The following SSBP2 variants were observed in gnomAD, a reference collection of about 807,000 sequenced individuals.
SSBP2 encodes single stranded DNA binding protein 2.
A neutral mutation model predicts 61.8 loss-of-function variants in SSBP2; 17 were observed. The ratio of observed to expected loss-of-function variants is 0.28; its 90% CI spans 0.19 to 0.41. The LOEUF is 0.41. Ranked by LOEUF, SSBP2 falls within the 10% of genes least tolerant of loss-of-function variation. The pLI is 1.00. For missense variants in SSBP2, 310 were observed against 458.7 expected (o/e 0.68, Z 2.96); for synonymous variants, 139 against 141.3 (o/e 0.98, Z 0.12).
At chr5:81,611,853 A>G (rs1357118287) in intron 4 of SSBP2, among the ~76,000 whole-genome samples, 8 of 151,850 alleles carry the variant, frequency 5.3e-5, no homozygotes, top group Admixed American at 5.2e-4. Flanking sequence ...TTCTTCATGG[A>G]TTTCAGAAAT....
chr5:81,612,651 A>G (rs959852031), intron 4 of SSBP2, among the ~76,000 whole-genome samples: 1 of 152,106 alleles, frequency 6.6e-6, no homozygotes, highest in Admixed American at 6.5e-5. Flanking sequence ...ATAAAATAAT[A>G]AGACTAATTT....
At chr5:81,712,659 T>A (rs1754870695) in intron 1 of SSBP2, among the ~76,000 whole-genome samples, 1 of 151,732 alleles carries the variant, frequency 6.6e-6, no homozygotes, top group Non-Finnish European at 1.5e-5. Context: ...GGATGGTAGG[T>A]TGAACTTACA....
chr5:81,714,212 C>T (rs901486681), intron 1 of SSBP2, among the ~76,000 whole-genome samples: 2 of 152,184 alleles, frequency 1.3e-5, no homozygotes, highest in Non-Finnish European at 2.9e-5. Context: ...CCAGCTTCAT[C>T]CATGTCCCTG....
chr5:81,430,915 G>A (rs781216492), intron 15 of SSBP2, among the ~76,000 whole-genome samples: 1 of 152,160 alleles, frequency 6.6e-6, no homozygotes, highest in Non-Finnish European at 1.5e-5. Context: ...TTTAACTAGA[G>A]TAATCTCTGC....
At chr5:81,598,457 G>A (rs1744014501) in intron 4 of SSBP2, among the ~76,000 whole-genome samples, 2 of 152,214 alleles carry the variant, frequency 1.3e-5, no homozygotes, top group South Asian at 4.1e-4. Context: ...CACCCTGTCT[G>A]AATATCTGGA....
intron 1 of SSBP2, among the ~76,000 whole-genome samples, chr5:81,667,023 TA>T (rs1396557251): frequency 1.3e-5 from 2 of 152,072 alleles, no homozygotes; most frequent in Admixed American, 1.3e-4. Context: ...TGTAAACAAC[TA>T]AAAACTGGAT....
intron 15 of SSBP2, among the ~76,000 whole-genome samples, chr5:81,437,162 T>C (rs1226186971): frequency 1.3e-5 from 2 of 151,284 alleles, no homozygotes; most frequent in Non-Finnish European, 2.9e-5. Flanking sequence ...GTGATTAAAT[T>C]TGTTATTACT....
At chr5:81,484,838 G>A (rs1766264295) in intron 6 of SSBP2, among the ~76,000 whole-genome samples, 1 of 152,096 alleles carries the variant, frequency 6.6e-6, no homozygotes, top group African/African-American at 2.4e-5. Flanking sequence ...TAGTGTGTTT[G>A]TAGAATACCA....
intron 4 of SSBP2, among the ~76,000 whole-genome samples, chr5:81,603,069 T>G (rs1196105586): frequency 6.6e-6 from 1 of 152,226 alleles, no homozygotes; most frequent in Non-Finnish European, 1.5e-5. Context: ...TACCTATTGC[T>G]GTGTAACAGA....
intron 5 of SSBP2, among the ~76,000 whole-genome samples, chr5:81,497,604 A>G (rs1175012225): frequency 6.6e-6 from 1 of 152,196 alleles, no homozygotes; most frequent in Non-Finnish European, 1.5e-5. Context: ...AAGTATGTCT[A>G]GAGGAAGAAA....
chr5:81,646,368 T>C (rs1469812986), intron 2 of SSBP2, among the ~76,000 whole-genome samples: 2 of 152,166 alleles, frequency 1.3e-5, no homozygotes, highest in African/African-American at 4.8e-5. Context: ...CATTTTATTA[T>C]AATAACCAAC....
At chr5:81,743,810 G>A (rs1434848721) in intron 1 of SSBP2, among the ~76,000 whole-genome samples, 1 of 152,164 alleles carries the variant, frequency 6.6e-6, no homozygotes, top group African/African-American at 2.4e-5. Context: ...GTGTGTAAGG[G>A]AGTGATGCTG....
chr5:81,534,039 C>G (rs1392215155), intron 4 of SSBP2, among the ~76,000 whole-genome samples: 3 of 152,082 alleles, frequency 2.0e-5, no homozygotes, highest in African/African-American at 4.8e-5. Context: ...GCCTCACCTG[C>G]TATGGTTTTA....
intron 4 of SSBP2, among the ~76,000 whole-genome samples, chr5:81,575,095 C>T (rs916916627): frequency 6.6e-6 from 1 of 152,096 alleles, no homozygotes; most frequent in African/African-American, 2.4e-5. Context: ...TGGTGAAACC[C>T]CGTCTCTACT....
intron 5 of SSBP2, among the ~76,000 whole-genome samples, chr5:81,507,443 T>C (rs909479962): frequency 1.3e-5 from 2 of 152,076 alleles, no homozygotes; most frequent in East Asian, 1.9e-4. Flanking sequence ...GACTAAAATA[T>C]AGTAAATATA....
At chr5:81,455,343 G>C (rs1314114679) in intron 10 of SSBP2, among the ~76,000 whole-genome samples, 1 of 53,736 alleles carries the variant, frequency 1.9e-5, no homozygotes, top group Non-Finnish European at 3.2e-5. Context: ...TTCTAGGCCG[G>C]GCGCGGTGGC....
At chr5:81,716,011 C>T (rs751236391) in intron 1 of SSBP2, among the ~76,000 whole-genome samples, 12 of 151,858 alleles carry the variant, frequency 7.9e-5, no homozygotes, top group Middle Eastern at 3.4e-3. Flanking sequence ...GAGCTATGAT[C>T]GCACCACTGC....
intron 1 of SSBP2, among the ~76,000 whole-genome samples, chr5:81,672,416 TTC>T (rs553874342): frequency 1.9e-3 from 289 of 152,294 alleles, no homozygotes; most frequent in African/African-American, 6.0e-3. Context: ...GATAAAATTA[TTC>T]TGATTCTTCC....
chr5:81,731,108 C>A (rs961882658), intron 1 of SSBP2, among the ~76,000 whole-genome samples: 1 of 152,166 alleles, frequency 6.6e-6, no homozygotes, highest in African/African-American at 2.4e-5. Context: ...TCTATAAATA[C>A]TGAAATGCGT....
Sources: gnomAD v4.1 joint callset for allele counts (sites outside exome capture counted in the v4.1 genomes callset) on GRCh38, gnomAD v4.1.1 for gene constraint, MANE v1.5 for transcripts, NCBI Gene and HGNC (gene_info 2026-07-23, HGNC 2026-07-21) for gene names.